Variants in CSTL1 observed in about 807,000 individuals in gnomAD.
CSTL1 encodes cystatin like 1.
In CSTL1, 14 loss-of-function variants were observed where a neutral mutation model predicts 14.4. That is an observed-to-expected ratio of 0.97 (90% confidence interval 0.64 to 1.52). The LOEUF (loss-of-function observed/expected upper bound fraction) is 1.52, where lower values mean the gene tolerates loss of function less well. Among genes scored for constraint, CSTL1 ranks in the 40% most tolerant of loss-of-function variants. CSTL1 has a pLI of 0.00. For missense variants in CSTL1, 170 were observed against 168.7 expected (o/e 1.01, Z -0.04); for synonymous variants, 72 against 67.5 (o/e 1.07, Z -0.33).
chr20:23,441,123 A>G (rs1986822608), intron 2 of CSTL1, among the ~76,000 whole-genome samples: 1 of 152,210 alleles, frequency 6.6e-6, no homozygotes. Context: ...AGTGACAGCA[A>G]GGATAATTTT....
chr20:23,448,445 G>A (rs1190158701), downstream of CSTL1, among the ~76,000 whole-genome samples: 1 of 152,144 alleles, frequency 6.6e-6, no homozygotes, highest in East Asian at 1.9e-4. Flanking sequence ...TTACACGAAT[G>A]TACACGTGTG....
At chr20:23,442,102 G>A (rs984925392) in intron 2 of CSTL1, among the ~76,000 whole-genome samples, 4 of 152,272 alleles carry the variant, frequency 2.6e-5, no homozygotes, top group African/African-American at 9.6e-5. Context: ...TCACCATTAA[G>A]TTAGCTGTTA....
At chr20:23,451,069 A>G in the CSTL1 span, among the ~76,000 whole-genome samples, 2 of 151,836 alleles carry the variant, frequency 1.3e-5, no homozygotes, top group East Asian at 1.9e-4. Flanking sequence ...CCATCAACCC[A>G]TTCATCCATC....
chr20:23,442,896 A>T (rs1408353294), intron 2 of CSTL1, among the ~76,000 whole-genome samples: 1 of 152,206 alleles, frequency 6.6e-6, no homozygotes, highest in East Asian at 1.9e-4. Flanking sequence ...TCCAGCTCAG[A>T]ACCCGACAGG....
the CSTL1 span, among the ~76,000 whole-genome samples, chr20:23,457,006 A>G: frequency 6.6e-6 from 1 of 152,166 alleles, no homozygotes; most frequent in South Asian, 2.1e-4. Context: ...TTTGCCCACA[A>G]GGTAACAAGT....
At chr20:23,453,823 C>A in the CSTL1 span, among the ~76,000 whole-genome samples, 3 of 152,118 alleles carry the variant, frequency 2.0e-5, no homozygotes, top group Non-Finnish European at 4.4e-5. Context: ...TTTCCTGACA[C>A]CCCTGCTCAG....
intron 3 of CSTL1, 80 bp from the exon 4 acceptor site, chr20:23,444,691 A>C: frequency 1.1e-6 from 1 of 876,682 alleles, no homozygotes; most frequent in Non-Finnish European, 1.9e-6. Context: ...AGCCACAGGG[A>C]GAGACCTGGG....
the CSTL1 span, chr20:23,450,480 G>A: frequency 9.9e-5 from 149 of 1,509,796 alleles, 1 homozygote; most frequent in Non-Finnish European, 1.2e-4. Flanking sequence ...CACATGCAGT[G>A]GCCGCAGTTG....
chr20:23,440,411 CATTCA>C lies in CSTL1; in HGVS notation c.147_151del (p.Gln50LeufsTer44). 6.2e-7 allele frequency: 1 copy of C among 1,614,170 alleles called. No individual in the cohort carries two copies. The highest frequency in any genetic ancestry group is 8.5e-7 in the Non-Finnish European group (1 of 1,180,002). On this transcript the variant is annotated frameshift_variant, in exon 2 of 4. Coordinates refer to ENST00000347397, the MANE Select transcript of CSTL1 (RefSeq NM_138283.1). LOFTEE classifies it high-confidence loss of function. ...ACATGAATTCAACACTCAACTTCTT[CATTCA>C]ATCCTACAACAATGCCAGCAACGAC...
At chr20:23,452,853 C>T in the CSTL1 span, 1 of 1,505,692 alleles carries the variant, frequency 6.6e-7, no homozygotes, top group Non-Finnish European at 9.2e-7. Context: ...CTCTGTACTC[C>T]TCAGGGACAA....
At chr20:23,445,614 T>C (rs995640883), downstream of CSTL1, among the ~76,000 whole-genome samples, 4 of 152,184 alleles carry the variant, frequency 2.6e-5, no homozygotes, top group Non-Finnish European at 5.9e-5. Flanking sequence ...TCATCATTCT[T>C]TCTACGCCAC....
the CSTL1 span, among the ~76,000 whole-genome samples, chr20:23,456,204 T>C: frequency 2.6e-5 from 4 of 152,218 alleles, no homozygotes; most frequent in Non-Finnish European, 5.9e-5. Flanking sequence ...AGCCATGCTA[T>C]TTGTCCTCTG....
chr20:23,458,841 CAG>C, the CSTL1 span, among the ~76,000 whole-genome samples: 1 of 152,132 alleles, frequency 6.6e-6, no homozygotes, highest in Non-Finnish European at 1.5e-5. Flanking sequence ...AGCTCTTAGC[CAG>C]AGACTCCTTT....
At chr20:23,451,813 T>A in the CSTL1 span, 2 of 1,611,358 alleles carry the variant, frequency 1.2e-6, no homozygotes, top group South Asian at 2.2e-5. Context: ...TTTTACCCAA[T>A]ACCTTGTGAA....
intron 2 of CSTL1, among the ~76,000 whole-genome samples, chr20:23,442,948 C>T (rs942390827): frequency 4.1e-4 from 62 of 152,212 alleles, no homozygotes; most frequent in African/African-American, 1.4e-3. Flanking sequence ...CCCTTCTGGG[C>T]GTAGGGCCTC....
chr20:23,440,149 C>A lies in CSTL1; in HGVS notation c.-119C>A. The stretch of plus-strand genomic sequence containing the variant: ...GAATCTCTGTTTAAATGCAGGCAGG[C>A]CATCCCCCAGGAAAGCCTATGTTGG... On this transcript the variant is annotated 5_prime_UTR_variant, in exon 2 of 4. Transcript: ENST00000347397. The A allele has an allele frequency of 1.0e-6, 1 of 959,278 alleles. No homozygotes were observed. The highest frequency in any genetic ancestry group is 1.6e-6 in the Non-Finnish European group (1 of 623,240). The allele number at this position is 959,278 out of a possible 1,614,324, so 59.4% of individuals were successfully genotyped here.
chr20:23,450,904 T>G, the CSTL1 span, among the ~76,000 whole-genome samples: 1 of 152,214 alleles, frequency 6.6e-6, no homozygotes, highest in South Asian at 2.1e-4. Flanking sequence ...ACTTCTTCCC[T>G]TATTTGTCCT....
At chr20:23,444,541 C>T (rs1300859872) in intron 3 of CSTL1, among the ~76,000 whole-genome samples, 1 of 152,222 alleles carries the variant, frequency 6.6e-6, no homozygotes, top group Non-Finnish European at 1.5e-5. Flanking sequence ...AGGCCATAGA[C>T]TCCAGGTTCA....
chr20:23,453,250 G>A, the CSTL1 span, among the ~76,000 whole-genome samples: 4 of 151,926 alleles, frequency 2.6e-5, no homozygotes, highest in East Asian at 5.8e-4. Context: ...CGCCTGCACC[G>A]GAAGCCACTC....
Sources: gnomAD v4.1 joint callset for allele counts (sites outside exome capture counted in the v4.1 genomes callset) on GRCh38, gnomAD v4.1.1 for gene constraint, MANE v1.5 for transcripts, NCBI Gene and HGNC (gene_info 2026-07-23, HGNC 2026-07-21) for gene names.